MACF1: variants seen among roughly 807,000 people sequenced by gnomAD.
MACF1 encodes microtubule actin crosslinking factor 1.
Under a neutral mutation model 854.8 loss-of-function variants are expected in MACF1, and 193 were observed. The ratio of observed to expected loss-of-function variants is 0.23; its 90% CI spans 0.20 to 0.25. The LOEUF (loss-of-function observed/expected upper bound fraction) is 0.25. Ranked by LOEUF, MACF1 falls within the 10% of genes least tolerant of loss-of-function variation. The pLI, the probability that MACF1 is intolerant of heterozygous loss-of-function variation, is 1.00. For synonymous variants in MACF1, 3,185 were observed against 3,226.7 expected (o/e 0.99, Z 0.44); for missense variants, 7,722 against 8,929.1 (o/e 0.86, Z 5.45).
intron 58 of MACF1, among the ~76,000 whole-genome samples, chr1:39,419,042 C>T (rs1303083515): frequency 2.0e-5 from 3 of 152,136 alleles, no homozygotes; most frequent in Non-Finnish European, 4.4e-5. Context: ...ATTTCACTAA[C>T]AGTGTGTGAA....
At position 39,357,700 on chromosome 1, in the gene MACF1, T is replaced by C. The variant is rs761072853; in HGVS notation, c.11750T>C (p.Leu3917Pro). 1.2e-6 allele frequency: 2 copies of C among 1,614,022 alleles called. No individual in the cohort carries two copies. Among genetic ancestry groups the C allele is most frequent in the East Asian group, 4.5e-5 (2 of 44,894 alleles). ...GSSPETLPSL[L>P]KRQGSFSEDV... ...AGCCCCGAGACCCTTCCCTCCCTGC[T>C]AAAGCGGCAAGGAAGCTTCTCAGAG... The change falls in exon 45 of 101, where the codon CTA (leucine) becomes CCA (proline). Residue 3917 changes from leucine to proline, a missense_variant. By Grantham distance (98) the Leu-to-Pro change is moderately conservative (BLOSUM62 -3). Coordinates refer to ENST00000564288, the MANE Select transcript of MACF1 (RefSeq NM_001394062.1).
intron 21 of MACF1, among the ~76,000 whole-genome samples, chr1:39,298,292 TATTA>T (rs954927517): frequency 1.1e-4 from 17 of 152,224 alleles, no homozygotes; most frequent in African/African-American, 4.1e-4. Context: ...TATGAAGCAA[TATTA>T]ATTTTTAAGA....
At chr1:39,100,778 C>T (rs1184762185) in intron 2 of MACF1, among the ~76,000 whole-genome samples, 2 of 151,918 alleles carry the variant, frequency 1.3e-5, no homozygotes, top group African/African-American at 4.8e-5. Context: ...GGCTTGAACT[C>T]AGGAGGTGGA....
chr1:39,463,382 TG>T (rs1478433139), intron 93 of MACF1, among the ~76,000 whole-genome samples: 1 of 151,048 alleles, frequency 6.6e-6, no homozygotes, highest in East Asian at 2.0e-4. Context: ...CCCAGCCACT[TG>T]GGGGGCTGAG....
intron 99 of MACF1, among the ~76,000 whole-genome samples, chr1:39,482,878 C>T (rs769197590): frequency 6.7e-6 from 1 of 150,238 alleles, no homozygotes; most frequent in Non-Finnish European, 1.5e-5. Context: ...CTTTGTGAGG[C>T]CGAGGTGGGC....
intron 1 of MACF1, among the ~76,000 whole-genome samples, chr1:39,228,502 A>C (rs1644742797): frequency 6.6e-6 from 1 of 152,208 alleles, no homozygotes; most frequent in East Asian, 1.9e-4. Context: ...GGGCTTGGAA[A>C]GGTTGATGAA....
At chr1:39,389,691 G>A (rs1055511910) in intron 58 of MACF1, among the ~76,000 whole-genome samples, 5 of 152,036 alleles carry the variant, frequency 3.3e-5, no homozygotes, top group Admixed American at 1.3e-4. Flanking sequence ...ATGAAAAGCC[G>A]TAAGTTAAAC....
At chr1:39,145,532 T>C (rs1412473773) in intron 2 of MACF1, among the ~76,000 whole-genome samples, 1 of 152,214 alleles carries the variant, frequency 6.6e-6, no homozygotes, top group Non-Finnish European at 1.5e-5. Flanking sequence ...TTTTTTTCTT[T>C]ACCACCAAAC....
chr1:39,331,091 A>G, intron 36 of MACF1, 112 bp from the exon 37 acceptor site: 2 of 1,398,508 alleles, frequency 1.4e-6, no homozygotes, highest in Non-Finnish European at 1.9e-6. Flanking sequence ...TGGCCTGTAT[A>G]CTATAGTTCT....
rs34793656 is a variant in MACF1 at position 39,236,058 on chromosome 1, C to T, written c.171+4815C>T. 4.6e-3 allele frequency among the ~76,000 whole-genome samples: 699 copies of T among 152,306 alleles called. 6 individuals are homozygous for T. The highest frequency in any genetic ancestry group is 7.6e-3 in the Non-Finnish European group (516 of 68,022). On this transcript the variant is annotated intron_variant, in intron 2 of 100. Transcript: ENST00000564288. ...TAGTCTAAATCAGACATTCTGTATA[C>T]TAAGTCCTTTACATGGATTATTTCA...
intron 2 of MACF1, among the ~76,000 whole-genome samples, chr1:39,244,920 T>A (rs1290622693): frequency 1.3e-5 from 2 of 151,988 alleles, no homozygotes; most frequent in African/African-American, 4.8e-5. Flanking sequence ...GCTGTGTTGG[T>A]CAGGGTGGTC....
Position 39,284,361 on chromosome 1 carries a change from A to G in MACF1, c.1064A>G (p.Lys355Arg). 6.2e-7 allele frequency: 1 copy of G among 1,600,820 alleles called. No homozygotes were observed. The highest frequency in any genetic ancestry group is 1.7e-4 in the Middle Eastern group (1 of 5,968). Reference sequence around the variant, plus strand: ...CTTTATAACCAATATATACACTTCAAAGAAACAGAAATTCTGGCCAAGGAG... The same window carrying G: ...CTTTATAACCAATATATACACTTCAGAGAAACAGAAATTCTGGCCAAGGAG... ...KALYNQYIHF[K>R]ETEILAKERE... Residue 355 changes from lysine (K) to arginine (R), a missense_variant, in exon 11 of 101, where the codon AAA (lysine) becomes AGA (arginine). Physicochemically the swap from Lys to Arg is conservative, Grantham distance 26. Around this residue, in one of 15 missense-constraint regions of MACF1, gnomAD observed 97 missense variants for 130.4 expected, o/e 0.74. Transcript: ENST00000564288.
intron 97 of MACF1, among the ~76,000 whole-genome samples, chr1:39,470,400 G>A (rs1443061227): frequency 1.3e-5 from 2 of 152,114 alleles, no homozygotes; most frequent in African/African-American, 4.8e-5. Flanking sequence ...CAGTACATTG[G>A]GAGCCCAAGG....
intron 94 of MACF1, 161 bp from the exon 95 acceptor site, chr1:39,464,934 C>T: frequency 1.5e-6 from 1 of 685,226 alleles, no homozygotes; most frequent in Admixed American, 2.4e-5. Context: ...AAATTAAAAC[C>T]ACATCCCTGT....
intron 6 of MACF1, among the ~76,000 whole-genome samples, chr1:39,263,883 T>C (rs771182851): frequency 2.7e-5 from 4 of 150,196 alleles, no homozygotes; most frequent in Non-Finnish European, 5.9e-5. Flanking sequence ...ATGCCATTCT[T>C]CTGCCTCAGC....
chr1:39,322,159 C>A (rs916719570), intron 31 of MACF1, among the ~76,000 whole-genome samples: 12 of 152,230 alleles, frequency 7.9e-5, no homozygotes, highest in African/African-American at 2.9e-4. Context: ...ATTCACATCC[C>A]CTCTCTGGGT....
chr1:39,333,611 T>G lies in MACF1; in HGVS notation c.7023T>G (p.Cys2341Trp), dbSNP rs757359405. 33 of 1,614,098 alleles carry G rather than the reference T, an allele frequency of 2.0e-5. No homozygotes were observed. Among genetic ancestry groups the G allele is most frequent in the Admixed American group, 5.0e-5 (3 of 60,006 alleles). Reference protein sequence around the residue: ...MFQGFFDSQTCESLTTEEVIN... With the variant: ...MFQGFFDSQTWESLTTEEVIN... ...AGGGGTTCTTTGACTCTCAGACTTG[T>G]GAGTCTTTGACAACTGAAGAAGTCA... Residue 2341 changes from cysteine (C) to tryptophan (W), a missense_variant, in exon 37 of 101, where the codon TGT becomes TGG. Physicochemically the swap from Cys to Trp is radical, Grantham distance 215. Coordinates refer to ENST00000564288, the MANE Select transcript of MACF1 (RefSeq NM_001394062.1).
At chr1:39,352,863 C>T in intron 43 of MACF1, 144 bp from the exon 44 acceptor site, 2 of 473,156 alleles carry the variant, frequency 4.2e-6, no homozygotes, top group Non-Finnish European at 7.6e-6. Context: ...GATATGAATT[C>T]TCTTTTGTAT....
Position 39,479,230 on chromosome 1 carries a change from C to G in MACF1, c.21959-568C>G, listed in dbSNP as rs572689093. ...TTTTGTGCATGGTCTTGATCTCTTT[C>G]TCTCTCCCCACCGACATGTTTACTT... On this transcript the variant is annotated intron_variant, in intron 97 of 100. Transcript: ENST00000564288. Among the ~76,000 whole-genome samples, 8 of 152,276 alleles carry G rather than the reference C, an allele frequency of 5.3e-5. No homozygotes were observed. In the East Asian group the frequency reaches 1.5e-3, roughly 29 times the overall value.
Sources: allele counts gnomAD v4.1 joint callset (sites outside exome capture counted in the v4.1 genomes callset), GRCh38; gene constraint gnomAD v4.1.1; regional missense constraint gnomAD v4.1.1; transcripts MANE v1.5; gene names NCBI Gene and HGNC (gene_info 2026-07-23, HGNC 2026-07-21).